Variants in VSTM2L observed in about 807,000 individuals in gnomAD.
The protein encoded by VSTM2L is V-set and transmembrane domain-containing protein 2-like protein.
VSTM2L carries 9 observed loss-of-function variants against 19.9 expected under a neutral mutation model. The observed-to-expected ratio is 0.45, with a 90% CI of 0.27 to 0.79. The LOEUF (loss-of-function observed/expected upper bound fraction) is 0.79, where lower values mean the gene tolerates loss of function less well. Among genes scored for constraint, VSTM2L ranks in the 30% least tolerant of loss-of-function variants. VSTM2L has a pLI of 0.15. For synonymous variants in VSTM2L, 127 were observed against 133.8 expected, an observed-to-expected ratio of 0.95 and a Z score of 0.35; for missense variants, 286 against 295.5, an observed-to-expected ratio of 0.97 and a Z score of 0.24.
Position 37,944,385 on chromosome 20 carries a change from G to T in VSTM2L, c.*132G>T. 1 of 1,284,924 alleles carries T rather than the reference G, an allele frequency of 7.8e-7. No homozygotes were observed. The highest frequency in any genetic ancestry group is 2.0e-5 in the South Asian group (1 of 50,626). 79.6% of individuals were successfully genotyped at this position (1,284,924 alleles called of 1,614,324 possible). On this transcript the variant is annotated 3_prime_UTR_variant, in exon 4 of 4. Coordinates refer to ENST00000373461, the MANE Select transcript of VSTM2L (RefSeq NM_080607.3). ...CGAGGCCGCCTGTGGCCACCATGTC[G>T]GCCCTCTTTCCACCACCCCTTGCTC...
chr20:37,913,480 C>T (rs1311852885), intron 1 of VSTM2L, among the ~76,000 whole-genome samples: 8 of 152,168 alleles, frequency 5.3e-5, no homozygotes, highest in African/African-American at 7.2e-5. Context: ...TGGGTGGGAA[C>T]GAACTTCATT....
At chr20:37,908,698 T>C (rs1007424958) in intron 1 of VSTM2L, among the ~76,000 whole-genome samples, 7 of 151,950 alleles carry the variant, frequency 4.6e-5, no homozygotes, top group Non-Finnish European at 1.0e-4. Context: ...AGCTACTCAG[T>C]AGGCTGAGGC....
chr20:37,945,033 C>G lies in VSTM2L; in HGVS notation c.*780C>G. 1.0e-6 allele frequency: 1 copy of G among 985,834 alleles called. No homozygotes were observed. Among genetic ancestry groups the G allele is most frequent in the South Asian group, 4.7e-5 (1 of 21,284 alleles). 61.1% of individuals were successfully genotyped at this position (985,834 alleles called of 1,614,324 possible). ...CTCCCAGGAGTCCCCCTCTGCCGGC[C>G]CCCCAATGCCCCAGCTCCCTCTTGG... On this transcript the variant is annotated 3_prime_UTR_variant, in exon 4 of 4. Transcript: ENST00000373461.
intron 3 of VSTM2L, among the ~76,000 whole-genome samples, chr20:37,935,024 T>C (rs992638609): frequency 6.6e-6 from 1 of 152,172 alleles, no homozygotes; most frequent in African/African-American, 2.4e-5. Context: ...TCTGTGTGCA[T>C]ATTAATACCC....
At chr20:37,929,437 C>T (rs866715494) in intron 1 of VSTM2L, among the ~76,000 whole-genome samples, 32 of 152,232 alleles carry the variant, frequency 2.1e-4, no homozygotes, top group Middle Eastern at 3.4e-3. Flanking sequence ...ACCTCCTGGG[C>T]ACGAGCAATC....
chr20:37,939,383 A>T (rs2072958840), intron 3 of VSTM2L, among the ~76,000 whole-genome samples: 1 of 151,986 alleles, frequency 6.6e-6, no homozygotes, highest in South Asian at 2.1e-4. Context: ...ACGCCAGGGC[A>T]CTCCAGCCTA....
chr20:37,926,361 C>T (rs549419445), intron 1 of VSTM2L, among the ~76,000 whole-genome samples: 22 of 152,222 alleles, frequency 1.4e-4, no homozygotes, highest in Non-Finnish European at 3.1e-4. Context: ...TGTGCCCTGC[C>T]GCGGGACTGA....
chr20:37,914,655 C>G (rs1184693722), intron 1 of VSTM2L, among the ~76,000 whole-genome samples: 2 of 152,080 alleles, frequency 1.3e-5, no homozygotes, highest in Non-Finnish European at 2.9e-5. Context: ...CCACGGACCC[C>G]TTAGAGAAGC....
In VSTM2L at chr20:37,931,813, C is replaced by A. The variant is rs2072912119; in HGVS notation, c.291+9C>A. 3 of 1,610,314 alleles carry A rather than the reference C, an allele frequency of 1.9e-6. No homozygotes were observed. On this transcript the variant is annotated intron_variant, in intron 2 of 3. Coordinates refer to ENST00000373461, the MANE Select transcript of VSTM2L (RefSeq NM_080607.3). ...CGTGGGCCTCGAACCAGGTAATGCCCCTGGGGAGATGCCCAAGCTGGGCTG... is the reference window on the plus strand; with the variant it reads ...CGTGGGCCTCGAACCAGGTAATGCCACTGGGGAGATGCCCAAGCTGGGCTG...
intron 1 of VSTM2L, among the ~76,000 whole-genome samples, chr20:37,923,821 A>T (rs2122958388): frequency 6.6e-6 from 1 of 152,308 alleles, no homozygotes; most frequent in African/African-American, 2.4e-5. Context: ...CCATTTACTC[A>T]GTCTGTGGCC....
intron 1 of VSTM2L, among the ~76,000 whole-genome samples, chr20:37,920,741 C>A (rs1008429389): frequency 2.6e-5 from 4 of 152,194 alleles, no homozygotes; most frequent in African/African-American, 9.6e-5. Flanking sequence ...TGGGCACAGT[C>A]CCCCCAGGAA....
chr20:37,914,230 CATGT>C (rs2072797879), intron 1 of VSTM2L, among the ~76,000 whole-genome samples: 1 of 145,930 alleles, frequency 6.9e-6, no homozygotes, highest in Admixed American at 6.8e-5. Flanking sequence ...GTGTGGTGTG[CATGT>C]ATATGTCTAT....
chr20:37,925,539 G>C (rs1030714351), intron 1 of VSTM2L, among the ~76,000 whole-genome samples: 2 of 152,094 alleles, frequency 1.3e-5, no homozygotes, highest in Non-Finnish European at 2.9e-5. Context: ...TTGGGGTGGA[G>C]GTCGGGACAG....
chr20:37,939,007 G>T (rs753089567), intron 3 of VSTM2L, among the ~76,000 whole-genome samples: 7 of 152,188 alleles, frequency 4.6e-5, no homozygotes, highest in Non-Finnish European at 8.8e-5. Context: ...TGGGTAAGGT[G>T]TGGCCTCTGT....
chr20:37,939,393 A>G (rs2072958857), intron 3 of VSTM2L, among the ~76,000 whole-genome samples: 1 of 152,084 alleles, frequency 6.6e-6, no homozygotes, highest in East Asian at 1.9e-4. Flanking sequence ...ACTCCAGCCT[A>G]AGGTGACAGA....
At chr20:37,915,056 G>C (rs1033964134) in intron 1 of VSTM2L, among the ~76,000 whole-genome samples, 6 of 152,226 alleles carry the variant, frequency 3.9e-5, no homozygotes, top group African/African-American at 1.4e-4. Flanking sequence ...GCCTGTCGTC[G>C]GTCCGGGAAA....
In VSTM2L at chr20:37,903,455, C is replaced by T. The variant is rs1226501988; in HGVS notation, c.105C>T (p.Asn35=). The T allele has an allele frequency of 2.8e-5, 41 of 1,482,116 alleles. 1 individual carries two copies. Among genetic ancestry groups the T allele is most frequent in the Non-Finnish European group, 3.6e-5 (40 of 1,122,778 alleles). The allele number at this position is 1,482,116 out of a possible 1,614,324, so 91.8% of individuals were successfully genotyped here. A position where few individuals can be genotyped will look rare whatever the true frequency, so the allele number is the denominator to read the frequency against. Residue 35 remains asparagine, a synonymous_variant, in exon 1 of 4, where the codon AAC becomes AAT. Transcript: ENST00000373461. The stretch of plus-strand genomic sequence containing the variant: ...CCGCCGGCCACGCGCCCTGGGACAA[C>T]CACGTCTCCGGCCACGGTGAGTTCG... ...TRPAGHAPWD[N]HVSGHALFTE...
chr20:37,903,949 G>A (rs910106719), intron 1 of VSTM2L, among the ~76,000 whole-genome samples: 7 of 152,060 alleles, frequency 4.6e-5, no homozygotes, highest in Admixed American at 1.3e-4. Flanking sequence ...TGGTGCGCGC[G>A]CGCGCACACA....
At chr20:37,927,834 A>T (rs972873911) in intron 1 of VSTM2L, among the ~76,000 whole-genome samples, 2 of 152,104 alleles carry the variant, frequency 1.3e-5, no homozygotes, top group African/African-American at 4.8e-5. Flanking sequence ...CATGAGACGC[A>T]CACACATTGT....
Sources: allele counts gnomAD v4.1 joint callset (sites outside exome capture counted in the v4.1 genomes callset), GRCh38; gene constraint gnomAD v4.1.1; transcripts MANE v1.5; gene names NCBI Gene and HGNC (gene_info 2026-07-23, HGNC 2026-07-21).